Variants in ELMO2 observed in about 807,000 individuals in gnomAD.
ELMO2 encodes engulfment and cell motility protein 2.
ELMO2 carries 37 observed loss-of-function variants against 96.2 expected under a neutral mutation model. The observed-to-expected ratio is 0.38, with a 90% CI of 0.30 to 0.51. The LOEUF is 0.51. Among genes scored for constraint, ELMO2 ranks in the 20% least tolerant of loss-of-function variants. The pLI is 0.88. For missense variants in ELMO2, 561 were observed against 912.6 expected, an observed-to-expected ratio of 0.61 and a Z score of 4.96; for synonymous variants, 315 against 329.4, an observed-to-expected ratio of 0.96 and a Z score of 0.47.
chr20:46,368,195 G>A (rs995866446), intron 21 of ELMO2, among the ~76,000 whole-genome samples: 11 of 151,882 alleles, frequency 7.2e-5, no homozygotes, highest in Admixed American at 1.3e-4. Flanking sequence ...TTCCACTAGC[G>A]GCAGCTCAGG....
chr20:46,380,433 AGTGG>A (rs2059935559), intron 10 of ELMO2, 130 bp from the exon 11 acceptor site: 2 of 732,880 alleles, frequency 2.7e-6, no homozygotes, highest in South Asian at 3.4e-5. Context: ...CCAAATGAAA[AGTGG>A]GTGAATGAAC....
Position 46,377,081 on chromosome 20 carries a change from T to G in ELMO2, c.808-1291A>C, listed in dbSNP as rs1439243679. The G allele has an allele frequency of 1.5e-5, 4 of 266,692 alleles. No homozygotes were observed. In the East Asian group the frequency reaches 4.4e-4, roughly 29 times the overall value. 16.5% of individuals were successfully genotyped at this position (266,692 alleles called of 1,614,324 possible). On this transcript the variant is annotated intron_variant, in intron 11 of 21. Transcript: ENST00000290246. ...GTATCTTTTTAAAGCTCCTTCTAAC[T>G]TTGGATCAGCTCTCCCTAGAGTTTG... is the stretch of plus-strand genomic sequence containing the variant.
chr20:46,384,478 A>G (rs1373593713), intron 9 of ELMO2, among the ~76,000 whole-genome samples: 1 of 152,036 alleles, frequency 6.6e-6, no homozygotes, highest in African/African-American at 2.4e-5. Context: ...GGCTGAAAGT[A>G]TTGGCTCCTA....
At chr20:46,367,765 A>G (rs2059613839) in intron 21 of ELMO2, among the ~76,000 whole-genome samples, 1 of 152,186 alleles carries the variant, frequency 6.6e-6, no homozygotes, top group Non-Finnish European at 1.5e-5. Context: ...GGGGTTTTAT[A>G]TTACAACTCC....
chr20:46,393,044 A>G lies in ELMO2; in HGVS notation c.243+49T>C, dbSNP rs374602005. The G allele has an allele frequency of 8.4e-6, 13 of 1,538,822 alleles. No individual in the cohort carries two copies. In the African/African-American group the frequency reaches 1.5e-4, roughly 18 times the overall value. On this transcript the variant is annotated intron_variant, in intron 6 of 21. Transcript: ENST00000290246. ...AGAGTCTGGCCCATGGTAGGTGCTC[A>G]TATTTGTTTGTGACATGAATAAACT...
rs116454133 is a variant in ELMO2 at position 46,393,236 on chromosome 20, T to A, written c.193-93A>T. ...ATCAACAATAATGTTTTGTCTTTTTTACAGTAGATGTAACTGAGGATCTTC... is the reference window on the plus strand; with the variant it reads ...ATCAACAATAATGTTTTGTCTTTTTAACAGTAGATGTAACTGAGGATCTTC... On this transcript the variant is annotated intron_variant, in intron 5 of 21. Transcript: ENST00000290246. 5 of 1,295,760 alleles carry A rather than the reference T, an allele frequency of 3.9e-6. No individual in the cohort carries two copies. In the East Asian group the frequency reaches 6.9e-5, roughly 18 times the overall value. The allele number at this position is 1,295,760 out of a possible 1,614,324, so 80.3% of individuals were successfully genotyped here.
chr20:46,400,169 T>C (rs2060312093), intron 1 of ELMO2, among the ~76,000 whole-genome samples: 1 of 152,138 alleles, frequency 6.6e-6, no homozygotes, highest in African/African-American at 2.4e-5. Context: ...TAAAAAACTG[T>C]TGTTTTCATA....
rs762850097 is a variant in ELMO2, at chr20:46,375,405, G to T, written c.931-35C>A. 6.2e-7 allele frequency: 1 copy of T among 1,609,538 alleles called. No individual in the cohort carries two copies. Among genetic ancestry groups the T allele is most frequent in the Admixed American group, 1.7e-5 (1 of 59,694 alleles). On this transcript the variant is annotated intron_variant, in intron 12 of 21. Coordinates refer to ENST00000290246, the MANE Select transcript of ELMO2 (RefSeq NM_133171.5). The surrounding 1 kb of genome is among the most constrained non-coding windows in gnomAD (Gnocchi z 4.6). ...GAAACAGACAGTCAGCAGGTGAATC[G>T]GCTAACCAAGGGAGCAAGGAAAAGA...
chr20:46,401,119 T>G (rs2060328105), intron 1 of ELMO2, among the ~76,000 whole-genome samples: 1 of 152,224 alleles, frequency 6.6e-6, no homozygotes, highest in South Asian at 2.1e-4. Context: ...TGCAACAGAA[T>G]GCAACCTCAT....
chr20:46,370,588 A>G, intron 19 of ELMO2, 63 bp from the exon 20 acceptor site: 1 of 1,487,074 alleles, frequency 6.7e-7, no homozygotes, highest in Non-Finnish European at 9.3e-7. Context: ...TGCCTACATC[A>G]GTGCTGGAAG....
At chr20:46,401,947 T>A (rs1040322064) in intron 1 of ELMO2, among the ~76,000 whole-genome samples, 14 of 152,328 alleles carry the variant, frequency 9.2e-5, no homozygotes, top group Admixed American at 2.0e-4. Flanking sequence ...CTTCCCTGGC[T>A]ACGATAGGTG....
At chr20:46,376,671 C>A (rs2059865363) in intron 11 of ELMO2, 1 of 1,289,432 alleles carries the variant, frequency 7.8e-7, no homozygotes, top group Non-Finnish European at 1.0e-6. Flanking sequence ...CTTCTTGCTC[C>A]CTTGTATTTG....
intron 10 of ELMO2, among the ~76,000 whole-genome samples, chr20:46,381,612 A>T (rs1294494890): frequency 6.6e-6 from 1 of 152,174 alleles, no homozygotes; most frequent in Non-Finnish European, 1.5e-5. Context: ...CTTGCTGTGG[A>T]CAACTCATAA....
At chr20:46,401,641 T>C (rs1359547082) in intron 1 of ELMO2, among the ~76,000 whole-genome samples, 5 of 152,168 alleles carry the variant, frequency 3.3e-5, no homozygotes. Context: ...GGCTCTGTGG[T>C]GGAACTGGCT....
intron 6 of ELMO2, among the ~76,000 whole-genome samples, chr20:46,390,184 A>T (rs1158721720): frequency 6.6e-6 from 1 of 152,162 alleles, no homozygotes; most frequent in Non-Finnish European, 1.5e-5. Context: ...AATAAAATTT[A>T]TAAAACTGTT....
chr20:46,393,440 G>T, intron 5 of ELMO2, 89 bp downstream of exon 5: 1 of 1,389,134 alleles, frequency 7.2e-7, no homozygotes, highest in South Asian at 1.2e-5. Context: ...AAGCTACCTG[G>T]ATGCTGAGTG....
At chr20:46,404,932 A>G (rs1167237434) in intron 1 of ELMO2, among the ~76,000 whole-genome samples, 2 of 152,192 alleles carry the variant, frequency 1.3e-5, no homozygotes, top group African/African-American at 4.8e-5. Context: ...ACTCTAGCAT[A>G]GAGCCTGGCA....
Position 46,375,505 on chromosome 20 carries a change from C to T in ELMO2, c.931-135G>A, listed in dbSNP as rs2059841574. The T allele has an allele frequency of 1.4e-6, 2 of 1,481,394 alleles. No individual in the cohort carries two copies. Among genetic ancestry groups the T allele is most frequent in the Non-Finnish European group, 1.8e-6 (2 of 1,094,028 alleles). 91.8% of individuals were successfully genotyped at this position (1,481,394 alleles called of 1,614,324 possible). On this transcript the variant is annotated intron_variant, in intron 12 of 21. Coordinates refer to ENST00000290246, the MANE Select transcript of ELMO2 (RefSeq NM_133171.5). This position sits in a 1 kb window ranked among gnomAD's most constrained non-coding sequence, Gnocchi z 4.6. ...TTAGGAGGCATCACCTCTACCACAG[C>T]AGGACAGAAATGGGCTTGGCTCATG...
At position 46,393,470 on chromosome 20, in the gene ELMO2, C is replaced by T; in HGVS notation, c.192+59G>A. ...TGAGTGAAGATAAATAGTGCCGTCT[C>T]CTTGGGTCGTTTAATTCCAAGCAAG... On this transcript the variant is annotated intron_variant, in intron 5 of 21. Transcript: ENST00000290246. 1.8e-5 allele frequency: 28 copies of T among 1,571,160 alleles called. No homozygotes were observed. The South Asian group carries it at 3.1e-4, about 18-fold the overall frequency.
Sources: gnomAD v4.1 joint callset for allele counts (sites outside exome capture counted in the v4.1 genomes callset) on GRCh38, gnomAD v4.1.1 for gene constraint, Gnocchi (gnomAD v3.1) non-coding constraint, MANE v1.5 for transcripts, NCBI Gene and HGNC (gene_info 2026-07-23, HGNC 2026-07-21) for gene names.